Variants in S100A8 observed in about 807,000 individuals in gnomAD.
S100A8 encodes protein S100-A8.
A neutral mutation model predicts 4.2 loss-of-function variants in S100A8; 1 was observed. The observed-to-expected ratio is 0.24, with a 90% confidence interval of 0.08 to 1.12. The LOEUF (loss-of-function observed/expected upper bound fraction) is 1.12. Among genes scored for constraint, S100A8 ranks in the 50% most tolerant of loss-of-function variants. S100A8 has a pLI of 0.53. For synonymous variants in S100A8, 41 were observed against 44.7 expected (o/e 0.92, Z 0.33); for missense variants, 96 against 111.8 (o/e 0.86, Z 0.64).
At chr1:153,417,487 AG>A in the S100A8 span, among the ~76,000 whole-genome samples, 3 of 152,136 alleles carry the variant, frequency 2.0e-5, no homozygotes, top group East Asian at 5.8e-4. Context: ...TCCTCGGGAG[AG>A]GGCTGTGTTT....
the S100A8 span, chr1:153,419,199 G>A: frequency 6.2e-7 from 1 of 1,614,212 alleles, no homozygotes; most frequent in Non-Finnish European, 8.5e-7. Context: ...GGACAAGAAT[G>A]AGGATAAGAA....
At chr1:153,407,748 A>G in the S100A8 span, among the ~76,000 whole-genome samples, 1 of 152,226 alleles carries the variant, frequency 6.6e-6, no homozygotes, top group African/African-American at 2.4e-5. Flanking sequence ...TCATACAGCC[A>G]GGTGCCCCTC....
chr1:153,408,549 G>C, the S100A8 span, among the ~76,000 whole-genome samples: 17 of 152,150 alleles, frequency 1.1e-4, no homozygotes, highest in African/African-American at 4.1e-4. Context: ...CTGGAAAACA[G>C]TCTGCAGGAT....
the S100A8 span, among the ~76,000 whole-genome samples, chr1:153,402,624 T>C: frequency 6.6e-6 from 1 of 152,184 alleles, no homozygotes; most frequent in African/African-American, 2.4e-5. Context: ...GGGAAGCCAC[T>C]AAAAGTTTTT....
At chr1:153,410,957 T>C in the S100A8 span, among the ~76,000 whole-genome samples, 2 of 152,108 alleles carry the variant, frequency 1.3e-5, no homozygotes, top group African/African-American at 2.4e-5. Context: ...TCTCAATAAA[T>C]TCGGTATTGA....
the S100A8 span, among the ~76,000 whole-genome samples, chr1:153,399,515 C>T: frequency 9.6e-3 from 1,465 of 152,256 alleles, 21 homozygotes; most frequent in African/African-American, 0.033. Context: ...TTAGTGAACC[C>T]CCAAACTCCA....
At chr1:153,407,913 G>C in the S100A8 span, among the ~76,000 whole-genome samples, 2 of 152,200 alleles carry the variant, frequency 1.3e-5, no homozygotes, top group Non-Finnish European at 1.5e-5. Flanking sequence ...GGTCCTGACT[G>C]TTAGAAGGAA....
At chr1:153,416,456 G>A in the S100A8 span, 1 of 354,062 alleles carries the variant, frequency 2.8e-6, no homozygotes, top group Non-Finnish European at 5.7e-6. Context: ...GGTGGCCCCA[G>A]GCCTCCCAAC....
chr1:153,397,774 G>A, the S100A8 span, among the ~76,000 whole-genome samples: 1 of 152,164 alleles, frequency 6.6e-6, no homozygotes, highest in Admixed American at 6.5e-5. Context: ...CCACAAAGCT[G>A]GTTACCCAGA....
chr1:153,415,974 A>G, the S100A8 span, among the ~76,000 whole-genome samples: 1 of 152,228 alleles, frequency 6.6e-6, no homozygotes, highest in Non-Finnish European at 1.5e-5. Context: ...CTAGCTGAGT[A>G]AACTTGGGAA....
chr1:153,402,084 G>A, the S100A8 span, among the ~76,000 whole-genome samples: 7 of 152,294 alleles, frequency 4.6e-5, no homozygotes, highest in South Asian at 2.1e-4. Flanking sequence ...CATTATTGCC[G>A]TGTAGAGAAA....
chr1:153,416,314 G>T, the S100A8 span, among the ~76,000 whole-genome samples: 4 of 152,162 alleles, frequency 2.6e-5, no homozygotes, highest in African/African-American at 9.7e-5. Flanking sequence ...GCCAGAGAAG[G>T]CCCCAGGTGA....
At chr1:153,409,025 G>T in the S100A8 span, among the ~76,000 whole-genome samples, 1 of 152,276 alleles carries the variant, frequency 6.6e-6, no homozygotes, top group African/African-American at 2.4e-5. Context: ...ACAAAAACAT[G>T]CCAAACTGTA....
intron 2 of S100A8, 71 bp from the exon 3 acceptor site, chr1:153,390,314 A>C: frequency 1.2e-6 from 2 of 1,602,542 alleles, no homozygotes; most frequent in Non-Finnish European, 1.7e-6. Flanking sequence ...GCCATCTATG[A>C]AGGGTGGCAG....
In S100A8 at chr1:153,390,503, A is replaced by G; in HGVS notation, c.33T>C (p.Ser11=). Residue 11 remains serine (S), a synonymous_variant, in exon 2 of 3, where the codon TCT becomes TCC. Transcript: ENST00000368733. ...AGTACTTGTGGTAGACGTCGATGAT[A>G]GAGTTCAAGGCTTTCTCCAGCTCGG... MLTELEKALN[S]IIDVYHKYSL... is the part of the protein sequence containing the mutation. 6.2e-7 allele frequency: 1 copy of G among 1,614,242 alleles called. No homozygotes were observed. The highest frequency in any genetic ancestry group is 8.5e-7 in the Non-Finnish European group (1 of 1,180,042).
At chr1:153,405,599 A>C in the S100A8 span, among the ~76,000 whole-genome samples, 5 of 152,096 alleles carry the variant, frequency 3.3e-5, no homozygotes, top group African/African-American at 1.2e-4. Context: ...TGATCACAGG[A>C]ACATCTTATC....
Position 153,390,229 on chromosome 1 carries a change from G to A in S100A8, c.156C>T (p.Asp52=), listed in dbSNP as rs770846885. The A allele has an allele frequency of 3.7e-5, 60 of 1,611,598 alleles. No individual in the cohort carries two copies. Among genetic ancestry groups the A allele is most frequent in the East Asian group, 6.7e-5 (3 of 44,820 alleles). The part of the protein sequence containing the change: ...CPQYIRKKGA[D]VWFKELDINT... ...TGATATCCAACTCTTTGAACCAGACGTCTGCACCCTTTTTCTGTCAAGATT... is the reference window on the plus strand; with the variant it reads ...TGATATCCAACTCTTTGAACCAGACATCTGCACCCTTTTTCTGTCAAGATT... The change falls in exon 3 of 3, where the codon GAC becomes GAT. Residue 52 remains aspartate, a synonymous_variant. Coordinates refer to ENST00000368733, the MANE Select transcript of S100A8 (RefSeq NM_002964.5).
the S100A8 span, among the ~76,000 whole-genome samples, chr1:153,406,121 C>T: frequency 6.6e-6 from 1 of 152,128 alleles, no homozygotes; most frequent in Non-Finnish European, 1.5e-5. Context: ...TACAAAGCTT[C>T]CCCTGGTTCC....
chr1:153,418,262 T>C, the S100A8 span: 1 of 1,604,934 alleles, frequency 6.2e-7, no homozygotes, highest in East Asian at 2.2e-5. Flanking sequence ...GGTTGGACCC[T>C]GGCATGGCTG....
Sources: allele counts gnomAD v4.1 joint callset (sites outside exome capture counted in the v4.1 genomes callset), GRCh38; gene constraint gnomAD v4.1.1; transcripts MANE v1.5; gene names NCBI Gene and HGNC (gene_info 2026-07-23, HGNC 2026-07-21).